FAM110C: variants seen among roughly 807,000 people sequenced by gnomAD.
FAM110C encodes family with sequence similarity 110 member C.
A neutral mutation model predicts 15.7 loss-of-function variants in FAM110C; 19 were observed. The observed-to-expected ratio is 1.21, with a 90% CI of 0.85 to 1.78. The LOEUF (loss-of-function observed/expected upper bound fraction) is 1.78, where lower values mean the gene tolerates loss of function less well. FAM110C is among the 40% of genes most tolerant of loss of function. FAM110C has a pLI of 0.00. For synonymous variants in FAM110C, 275 were observed against 233.9 expected (o/e 1.18, Z -1.61); for missense variants, 547 against 495.7 (o/e 1.10, Z -0.98).
chr2:42,963 AG>A (rs1443991142), intron 1 of FAM110C: 7 of 985,334 alleles, frequency 7.1e-6, no homozygotes, highest in Non-Finnish European at 8.4e-6. Flanking sequence ...AGGAAGTCAG[AG>A]GACCGCCCCA....
chr2:41,404 G>A lies in FAM110C; in HGVS notation c.*204C>T, dbSNP rs10173732. The A allele has an allele frequency of 0.12, 60,244 of 486,284 alleles. 5,239 individuals are homozygous for A. Among genetic ancestry groups the A allele is most frequent in the African/African-American group, 0.32 (15,931 of 50,108 alleles). The allele number at this position is 486,284 out of a possible 1,614,324, so 30.1% of individuals were successfully genotyped here. The stretch of plus-strand genomic sequence containing the variant: ...ACCTCAAACAAGGAAGACACCTCTT[G>A]GAGTTTCAGCTGTTACAACTCAGCT... On this transcript the variant is annotated 3_prime_UTR_variant, in exon 2 of 2. Coordinates refer to ENST00000327669, the MANE Select transcript of FAM110C (RefSeq NM_001077710.3).
intron 1 of FAM110C, chr2:45,133 T>C (rs1664238613): frequency 1.0e-6 from 1 of 985,324 alleles, no homozygotes; most frequent in African/African-American, 1.7e-5. Flanking sequence ...GGATTTCTCC[T>C]GTTTTCACAA....
At position 41,606 on chromosome 2, in the gene FAM110C, C is replaced by T. The variant is rs898840754; in HGVS notation, c.*2G>A. 6.2e-7 allele frequency: 1 copy of T among 1,613,616 alleles called. No homozygotes were observed. Among genetic ancestry groups the T allele is most frequent in the Non-Finnish European group, 8.5e-7 (1 of 1,179,872 alleles). ...CCCATGAAATCCTTCAAGAAGTCTTCATCATCGGGAAGGTTTGCTTCCTGA... is the reference window on the plus strand; with the variant it reads ...CCCATGAAATCCTTCAAGAAGTCTTTATCATCGGGAAGGTTTGCTTCCTGA... On this transcript the variant is annotated 3_prime_UTR_variant, in exon 2 of 2. Coordinates refer to ENST00000327669, the MANE Select transcript of FAM110C (RefSeq NM_001077710.3).
At chr2:44,502 T>A in intron 1 of FAM110C, 1 of 985,364 alleles carries the variant, frequency 1.0e-6, no homozygotes, top group Non-Finnish European at 1.2e-6. Context: ...AATTTACTTA[T>A]AGCAAGTTGT....
chr2:44,473 T>A, intron 1 of FAM110C: 1 of 985,436 alleles, frequency 1.0e-6, no homozygotes. Flanking sequence ...AGAAAATAAT[T>A]TCATCTCATG....
intron 1 of FAM110C, chr2:45,012 A>C (rs1324564081): frequency 1.0e-6 from 1 of 985,214 alleles, no homozygotes. Context: ...CCAATCAAAC[A>C]TCAGGACCGC....
Position 46,048 on chromosome 2 carries a change from G to C in FAM110C, c.338C>G (p.Ser113Trp). The change falls in exon 1 of 2, where the codon TCG (serine) becomes TGG (tryptophan). Residue 113 changes from serine to tryptophan, a missense_variant. Ser to Trp is a radical substitution (Grantham distance 177). Coordinates refer to ENST00000327669, the MANE Select transcript of FAM110C (RefSeq NM_001077710.3). ...GCTTGCCCTGGGGCCGTCGGCGCCC[G>C]ATCCTCGCACGAATTCGCATTTCTG... ...YRQKCEFVRG[S>W]GADGPRASLV... The C allele has an allele frequency of 6.6e-7, 1 of 1,524,598 alleles. No homozygotes were observed. The highest frequency in any genetic ancestry group is 8.8e-7 in the Non-Finnish European group (1 of 1,142,242). 94.4% of individuals were successfully genotyped at this position (1,524,598 alleles called of 1,614,324 possible).
chr2:44,436 C>T, intron 1 of FAM110C: 2 of 985,394 alleles, frequency 2.0e-6, no homozygotes, highest in Non-Finnish European at 2.4e-6. Context: ...GGCTGCCATG[C>T]ATCTTCACTT....
At chr2:43,502 C>A (rs1664183789) in intron 1 of FAM110C, 1 of 985,384 alleles carries the variant, frequency 1.0e-6, no homozygotes, top group East Asian at 1.1e-4. Flanking sequence ...AGTGAAAGTT[C>A]TCACAAGCTA....
rs986982573 is a variant in FAM110C at position 40,664 on chromosome 2, G to A, written c.*944C>T. ...TGGGTTGATTACGTCATATGTGGAG[G>A]TGTGAGTCAGATCAAAGGGCAGGGA... is the stretch of plus-strand genomic sequence containing the variant. On this transcript the variant is annotated 3_prime_UTR_variant, in exon 2 of 2. Coordinates refer to ENST00000327669, the MANE Select transcript of FAM110C (RefSeq NM_001077710.3). The A allele has an allele frequency of 1.3e-5, 2 of 152,204 alleles. No individual in the cohort carries two copies. Among genetic ancestry groups the A allele is most frequent in the Admixed American group, 6.5e-5 (1 of 15,284 alleles). The allele number at this position is 152,204 out of a possible 1,614,324, so 9.4% of individuals were successfully genotyped here. A position where few individuals can be genotyped will look rare whatever the true frequency, so the allele number is the denominator to read the frequency against.
chr2:42,794 A>C (rs915104309), intron 1 of FAM110C: 2 of 979,600 alleles, frequency 2.0e-6, no homozygotes, highest in African/African-American at 3.5e-5. Context: ...TTTCTCTTTC[A>C]CTTAGAAAAC....
rs578001468 is a variant in FAM110C at position 42,915 on chromosome 2, G to T, written c.947-1288C>A. ...TAAATTCCTGCTTCCACATCTTCCA[G>T]AAGTTGCAGAACTGGTCTCAGAACA... On this transcript the variant is annotated intron_variant, in intron 1 of 1. Transcript: ENST00000327669. 8.4e-5 allele frequency: 83 copies of T among 985,306 alleles called. 1 individual carries two copies. Among genetic ancestry groups the T allele is most frequent in the Non-Finnish European group, 9.8e-5 (81 of 829,938 alleles). 61.0% of individuals were successfully genotyped at this position (985,306 alleles called of 1,614,324 possible). A position where few individuals can be genotyped will look rare whatever the true frequency, so the allele number is the denominator to read the frequency against.
In FAM110C at chr2:41,140, A is replaced by C. The variant is rs1356850258; in HGVS notation, c.*468T>G. 1 of 154,294 alleles carries C rather than the reference A, an allele frequency of 6.5e-6. No homozygotes were observed. The highest frequency in any genetic ancestry group is 1.4e-5 in the Non-Finnish European group (1 of 69,568). The allele number at this position is 154,294 out of a possible 1,614,324, so 9.6% of individuals were successfully genotyped here. ...TTACTCTTATTTGACCACATAATTG[A>C]AGTAGAATATGCCTTTTTATGATTA... On this transcript the variant is annotated 3_prime_UTR_variant, in exon 2 of 2. Transcript: ENST00000327669.
At chr2:41,977 G>C (rs1388629597) in intron 1 of FAM110C, 3 of 985,244 alleles carry the variant, frequency 3.0e-6, no homozygotes, top group Non-Finnish European at 3.6e-6. Context: ...AACAAAATAG[G>C]AAGCAATGCA....
At position 45,438 on chromosome 2, in the gene FAM110C, A is replaced by T. The variant is rs1159654112; in HGVS notation, c.946+2T>A. 1 of 1,603,972 alleles carries T rather than the reference A, an allele frequency of 6.2e-7. No individual in the cohort carries two copies. Among genetic ancestry groups the T allele is most frequent in the Admixed American group, 1.7e-5 (1 of 59,518 alleles). On this transcript the variant is annotated splice_donor_variant, in intron 1 of 1. Coordinates refer to ENST00000327669, the MANE Select transcript of FAM110C (RefSeq NM_001077710.3). LOFTEE classifies it high-confidence loss of function. ...CCCGCCCCCAGCCTTCTGGGCACAC[A>T]CCTCGGGTCCGGCTCTGCTCCTGGC...
At position 40,473 on chromosome 2, in the gene FAM110C, T is replaced by A. The variant is rs1664094246; in HGVS notation, c.*1135A>T. 1 of 152,214 alleles carries A rather than the reference T, an allele frequency of 6.6e-6. No individual in the cohort carries two copies. Among genetic ancestry groups the A allele is most frequent in the Non-Finnish European group, 1.5e-5 (1 of 68,030 alleles). 9.4% of individuals were successfully genotyped at this position (152,214 alleles called of 1,614,324 possible). ...TGGGTAACAAATTTTCTTTGGGTTA[T>A]TTCTCAGAAGGTTCTGAATCTGAAT... On this transcript the variant is annotated 3_prime_UTR_variant, in exon 2 of 2. Coordinates refer to ENST00000327669, the MANE Select transcript of FAM110C (RefSeq NM_001077710.3).
Position 45,784 on chromosome 2 carries a change from T to G in FAM110C, c.602A>C (p.Gln201Pro), listed in dbSNP as rs770706869. 37 of 1,563,860 alleles carry G rather than the reference T, an allele frequency of 2.4e-5. No individual in the cohort carries two copies. Among genetic ancestry groups the G allele is most frequent in the Middle Eastern group, 1.7e-4 (1 of 6,018 alleles). ...VVRRRGLQRS[Q>P]SDLSSRYSAA... ...GGAATAGCGGGAGCTGAGGTCCGACTGTGAGCGCTGCAGCCCCCGACGCCT... is the reference window on the plus strand; with the variant it reads ...GGAATAGCGGGAGCTGAGGTCCGACGGTGAGCGCTGCAGCCCCCGACGCCT... The change falls in exon 1 of 2, where the codon CAG becomes CCG. Residue 201 changes from glutamine (Q) to proline (P), a missense_variant. Transcript: ENST00000327669.
chr2:46,493 AC>A lies in FAM110C; in HGVS notation c.-109del. ...TTCCGAAGTCCGCGCCGGGTGGGGA[AC>A]GGCGCCCCAGTGCCCAGCTGCCCAG... On this transcript the variant is annotated 5_prime_UTR_variant, in exon 1 of 2. Coordinates refer to ENST00000327669, the MANE Select transcript of FAM110C (RefSeq NM_001077710.3). The A allele has an allele frequency of 1.2e-6, 1 of 868,332 alleles. No homozygotes were observed. The highest frequency in any genetic ancestry group is 1.5e-6 in the Non-Finnish European group (1 of 653,040). 53.8% of individuals were successfully genotyped at this position (868,332 alleles called of 1,614,324 possible).
chr2:45,845 G>A lies in FAM110C; in HGVS notation c.541C>T (p.Pro181Ser). 1.3e-6 allele frequency: 2 copies of A among 1,530,598 alleles called. No homozygotes were observed. Among genetic ancestry groups the A allele is most frequent in the Non-Finnish European group, 1.7e-6 (2 of 1,144,048 alleles). The allele number at this position is 1,530,598 out of a possible 1,614,324, so 94.8% of individuals were successfully genotyped here. The change falls in exon 1 of 2, where the codon CCG (proline) becomes TCG (serine). Residue 181 changes from proline to serine, a missense_variant. Coordinates refer to ENST00000327669, the MANE Select transcript of FAM110C (RefSeq NM_001077710.3). The stretch of plus-strand genomic sequence containing the variant: ...GGCTCTGGCCCAGGGGGCGCGGCCG[G>A]GACACTGGAGGGCGCCGCGGACCGC... ...AARSAAPSSV[P>S]AAPPGPEPRV...
Sources: gnomAD v4.1 joint callset for allele counts on GRCh38, gnomAD v4.1.1 for gene constraint, MANE v1.5 for transcripts, NCBI Gene and HGNC (gene_info 2026-07-23, HGNC 2026-07-21) for gene names.